Variants in ASCC3 observed in about 807,000 individuals in gnomAD.
ASCC3 encodes ASC-1 complex subunit P200.
ASCC3 carries 158 observed loss-of-function variants against 256.3 expected under a neutral mutation model. The observed-to-expected ratio is 0.62, with a 90% CI of 0.54 to 0.70. ASCC3 has a LOEUF of 0.70. Among genes scored for constraint, ASCC3 ranks in the 30% least tolerant of loss-of-function variants. The pLI is 0.00. For missense variants in ASCC3, 2,259 were observed against 2,626.0 expected (o/e 0.86, Z 3.05); for synonymous variants, 948 against 883.4 (o/e 1.07, Z -1.30).
rs1205079340 is a variant in ASCC3, at chr6:100,799,550, T to G, written c.1150A>C (p.Arg384=). 2.5e-6 allele frequency: 4 copies of G among 1,612,736 alleles called. No homozygotes were observed. The highest frequency in any genetic ancestry group is 3.4e-6 in the Non-Finnish European group (4 of 1,179,398). Residue 384 remains arginine, a synonymous_variant, in exon 7 of 42, where the codon AGA becomes CGA. Transcript: ENST00000369162. ...IQREQALLNA[R]SVPILSRQRD... ...TGCCTGCTCAGAATTGGAACACTTCTAGCATTCAGAAGTGCCTGTTCTCTG... is the reference window on the plus strand; with the variant it reads ...TGCCTGCTCAGAATTGGAACACTTCGAGCATTCAGAAGTGCCTGTTCTCTG...
intron 37 of ASCC3, among the ~76,000 whole-genome samples, chr6:100,527,004 C>G (rs1476444540): frequency 6.6e-6 from 1 of 152,114 alleles, no homozygotes; most frequent in Non-Finnish European, 1.5e-5. Context: ...ATCTCTTTTT[C>G]CAGTCTTGCC....
intron 30 of ASCC3, among the ~76,000 whole-genome samples, chr6:100,616,691 A>G (rs1438286515): frequency 2.6e-5 from 4 of 152,180 alleles, no homozygotes; most frequent in Admixed American, 2.6e-4. Flanking sequence ...TTTAGAGCAC[A>G]ACTTAAAACA....
At chr6:100,618,840 A>G (rs1193784869) in intron 30 of ASCC3, among the ~76,000 whole-genome samples, 1 of 152,192 alleles carries the variant, frequency 6.6e-6, no homozygotes, top group African/African-American at 2.4e-5. Context: ...AGTAGCCTCA[A>G]GGGTAGAATT....
At chr6:100,793,034 G>A (rs1330801001) in intron 8 of ASCC3, among the ~76,000 whole-genome samples, 2 of 151,882 alleles carry the variant, frequency 1.3e-5, no homozygotes, top group African/African-American at 2.4e-5. Flanking sequence ...AACCCATGTG[G>A]AGTAGTAGTG....
intron 36 of ASCC3, among the ~76,000 whole-genome samples, chr6:100,547,344 T>C (rs1431491964): frequency 1.3e-5 from 2 of 151,816 alleles, no homozygotes; most frequent in Admixed American, 6.6e-5. Context: ...AGTTAAAACA[T>C]GACCCATACA....
chr6:100,561,048 T>A (rs1427504208), intron 36 of ASCC3, among the ~76,000 whole-genome samples: 1 of 151,902 alleles, frequency 6.6e-6, no homozygotes, highest in Non-Finnish European at 1.5e-5. Context: ...CCACTTGTTT[T>A]ATAAAATAAG....
intron 13 of ASCC3, among the ~76,000 whole-genome samples, chr6:100,700,494 G>C (rs1044499379): frequency 6.6e-6 from 1 of 152,116 alleles, no homozygotes; most frequent in Admixed American, 6.5e-5. Flanking sequence ...CCATCCTCCA[G>C]ACCCCAAAAT....
At chr6:100,817,526 A>T (rs1770813415) in intron 4 of ASCC3, among the ~76,000 whole-genome samples, 1 of 152,108 alleles carries the variant, frequency 6.6e-6, no homozygotes, top group Non-Finnish European at 1.5e-5. Context: ...ACAAAACTTT[A>T]GCTAGATTGA....
At chr6:100,723,567 A>G (rs949275509) in intron 11 of ASCC3, among the ~76,000 whole-genome samples, 10 of 151,672 alleles carry the variant, frequency 6.6e-5, no homozygotes, top group African/African-American at 2.4e-4. Flanking sequence ...CACTTATTGT[A>G]CCTACTTCTT....
chr6:100,848,729 A>G, intron 3 of ASCC3, 22 bp from the exon 4 acceptor site: 1 of 1,603,228 alleles, frequency 6.2e-7, no homozygotes, highest in Non-Finnish European at 8.5e-7. Flanking sequence ...CAAAAGAAAC[A>G]GTATTAGCTC....
chr6:100,662,286 C>G (rs1221603514), intron 15 of ASCC3, 59 bp downstream of exon 15: 2 of 1,545,834 alleles, frequency 1.3e-6, no homozygotes, highest in East Asian at 2.3e-5. Flanking sequence ...GTAAGTCAAC[C>G]CAGAGCCTTG....
intron 10 of ASCC3, among the ~76,000 whole-genome samples, chr6:100,766,356 G>C (rs1781655288): frequency 6.6e-6 from 1 of 152,162 alleles, no homozygotes; most frequent in Non-Finnish European, 1.5e-5. Context: ...GATGCAGTAA[G>C]AATTACAGGA....
chr6:100,578,285 G>A (rs902218058), intron 36 of ASCC3, among the ~76,000 whole-genome samples: 14 of 152,044 alleles, frequency 9.2e-5, no homozygotes, highest in African/African-American at 3.4e-4. Context: ...TTAATTTTAG[G>A]TTCAGGGGTA....
intron 33 of ASCC3, among the ~76,000 whole-genome samples, chr6:100,603,267 G>A (rs138827585): frequency 2.6e-5 from 4 of 151,926 alleles, no homozygotes; most frequent in East Asian, 1.9e-4. Flanking sequence ...ACTTTTTATC[G>A]AAGTATACAC....
intron 14 of ASCC3, among the ~76,000 whole-genome samples, chr6:100,676,760 ACT>A (rs1394628038): frequency 1.9e-5 from 2 of 103,564 alleles, no homozygotes; most frequent in African/African-American, 3.8e-5. Context: ...GCACACACAC[ACT>A]CACACACACA....
At chr6:100,659,597 C>T (rs1009997654) in intron 16 of ASCC3, among the ~76,000 whole-genome samples, 9 of 151,058 alleles carry the variant, frequency 6.0e-5, no homozygotes, top group Admixed American at 3.3e-4. Flanking sequence ...TTTATGGGCC[C>T]TAATTTATTT....
chr6:100,600,063 A>G (rs1250302749), intron 34 of ASCC3, among the ~76,000 whole-genome samples: 1 of 152,076 alleles, frequency 6.6e-6, no homozygotes, highest in Non-Finnish European at 1.5e-5. Context: ...TTAGTAAAGG[A>G]TAGTGAGGAA....
At chr6:100,655,890 G>A (rs1775891909) in intron 16 of ASCC3, 72 bp from the exon 17 acceptor site, 1 of 1,553,428 alleles carries the variant, frequency 6.4e-7, no homozygotes. Context: ...AGTCCATTCT[G>A]TCAGAGGTGA....
chr6:100,767,640 A>G (rs1241201491), intron 8 of ASCC3, among the ~76,000 whole-genome samples: 1 of 151,686 alleles, frequency 6.6e-6, no homozygotes, highest in African/African-American at 2.4e-5. Flanking sequence ...ACGGAGTCTC[A>G]CTCTGTCGCC....
Sources: gnomAD v4.1 joint callset for allele counts (sites outside exome capture counted in the v4.1 genomes callset) on GRCh38, gnomAD v4.1.1 for gene constraint, MANE v1.5 for transcripts, NCBI Gene and HGNC (gene_info 2026-07-23, HGNC 2026-07-21) for gene names.